Variants in INTS1 observed in about 807,000 individuals in gnomAD.
The protein encoded by INTS1 is integrator complex subunit 1.
In INTS1, 137 loss-of-function variants were observed where a neutral mutation model predicts 241.6. The observed-to-expected ratio is 0.57, with a 90% CI of 0.49 to 0.65. INTS1 has a LOEUF of 0.65. INTS1 is among the 30% of genes least tolerant of loss of function. INTS1 has a pLI of 0.00. For synonymous variants in INTS1, 1,692 were observed against 1,337.8 expected (o/e 1.26, Z -5.78); for missense variants, 3,073 against 3,032.2 (o/e 1.01, Z -0.32).
At chr7:1,482,825 G>A in intron 26 of INTS1, 118 bp from the exon 27 acceptor site, 3 of 1,243,414 alleles carry the variant, frequency 2.4e-6, no homozygotes, top group Non-Finnish European at 3.4e-6. Context: ...GACTTGGGAG[G>A]AGCACGGGGC....
intron 41 of INTS1, 121 bp from the exon 42 acceptor site, chr7:1,473,814 C>T: frequency 7.8e-7 from 1 of 1,275,556 alleles, no homozygotes; most frequent in South Asian, 1.4e-5. Flanking sequence ...GCCCCCTCTG[C>T]CAACCACTGG....
In INTS1 at chr7:1,497,657, C is replaced by G. The variant is rs1274612911; in HGVS notation, c.1426-343G>C. ...CCGTGCGCCACGGGCTGAACGGAAA[C>G]CAAAGGCCACCACCCAAGATCTGAA... On this transcript the variant is annotated intron_variant, in intron 10 of 47. Transcript: ENST00000404767. This position sits in a 1 kb window ranked among gnomAD's most constrained non-coding sequence, Gnocchi z 5.3. 6.6e-6 allele frequency among the ~76,000 whole-genome samples: 1 copy of G among 152,208 alleles called. No individual in the cohort carries two copies. The highest frequency in any genetic ancestry group is 2.4e-5 in the African/African-American group (1 of 41,462).
chr7:1,486,960 C>T lies in INTS1; in HGVS notation c.2788G>A (p.Glu930Lys), dbSNP rs754724189. The change falls in exon 21 of 48, where the codon GAG becomes AAG. Residue 930 changes from glutamate to lysine, a missense_variant. By Grantham distance (56) the Glu-to-Lys change is moderately conservative. Coordinates refer to ENST00000404767, the MANE Select transcript of INTS1 (RefSeq NM_001080453.3). ...DDAASGEEDD[E>K]GESKEQKAKK... ...GCCTTCTGCTCCTTGCTCTCGCCCT[C>T]GTCGTCCTCCTCCCCGGAAGCAGCA... 1.1e-5 allele frequency: 18 copies of T among 1,607,642 alleles called. No individual in the cohort carries two copies. The highest frequency in any genetic ancestry group is 1.1e-4 in the African/African-American group (8 of 74,910).
chr7:1,471,527 G>C (rs1276948075), intron 45 of INTS1, 44 bp downstream of exon 45: 1 of 1,595,028 alleles, frequency 6.3e-7, no homozygotes, highest in Non-Finnish European at 8.6e-7. Flanking sequence ...GGTTCCCCAA[G>C]GGAGTGGCTC....
intron 42 of INTS1, 42 bp from the exon 43 acceptor site, chr7:1,473,226 CAGG>C: frequency 1.4e-6 from 2 of 1,449,100 alleles, no homozygotes; most frequent in Non-Finnish European, 1.9e-6. Context: ...AAGACGCTGG[CAGG>C]AGGAAGGCTG....
intron 16 of INTS1, among the ~76,000 whole-genome samples, chr7:1,490,983 C>A (rs1467730861): frequency 6.6e-6 from 1 of 152,206 alleles, no homozygotes; most frequent in Non-Finnish European, 1.5e-5. Context: ...GCCAAGACGG[C>A]CCAAGGCGCA....
rs184055406 is a variant in INTS1 at position 1,474,226 on chromosome 7, C to T, written c.5771G>A (p.Arg1924His). ...LLELLQPHVF[R>H]SEHQGALWDC... ...CCACAGCGCCCCCTGGTGCTCGCTGCGGAACACGTGCGGCTGCAGCAGCTC... is the reference window on the plus strand; with the variant it reads ...CCACAGCGCCCCCTGGTGCTCGCTGTGGAACACGTGCGGCTGCAGCAGCTC... The change falls in exon 41 of 48, where the codon CGC (arginine) becomes CAC (histidine). Residue 1924 changes from arginine to histidine, a missense_variant. Physicochemically the swap from Arg to His is conservative, Grantham distance 29 (BLOSUM62 0). Transcript: ENST00000404767. The T allele has an allele frequency of 2.8e-5, 45 of 1,598,644 alleles. No homozygotes were observed. The highest frequency in any genetic ancestry group is 6.7e-5 in the African/African-American group (5 of 74,642).
rs1385681455 is a variant in INTS1, at chr7:1,476,342, G to A, written c.5265C>T (p.Cys1755=). The change falls in exon 38 of 48, where the codon TGC becomes TGT. Residue 1755 remains cysteine, a synonymous_variant. Transcript: ENST00000404767. ...TRSQDGDTAA[C]SLIQARLPLL... is the part of the protein sequence containing the mutation. ...GGGGCAGCCGGGCCTGGATGAGGCT[G>A]CAGGCGGCTGTGTCCCCGTCCTGGC... 7 of 1,580,078 alleles carry A rather than the reference G, an allele frequency of 4.4e-6. No individual in the cohort carries two copies. Among genetic ancestry groups the A allele is most frequent in the South Asian group, 3.5e-5 (3 of 86,452 alleles).
At position 1,487,340 on chromosome 7, in the gene INTS1, G is replaced by A; in HGVS notation, c.2626C>T (p.Leu876Phe). 6.2e-7 allele frequency: 1 copy of A among 1,603,702 alleles called. No individual in the cohort carries two copies. Among genetic ancestry groups the A allele is most frequent in the Non-Finnish European group, 8.5e-7 (1 of 1,175,512 alleles). Residue 876 changes from leucine (L) to phenylalanine (F), a missense_variant, in exon 20 of 48, where the codon CTC becomes TTC. Coordinates refer to ENST00000404767, the MANE Select transcript of INTS1 (RefSeq NM_001080453.3). Reference sequence around the variant, plus strand: ...CTCACCTGCCGCTGGATGATGTGGAGGAGAAAGTCAGGGTTTCGGCTGCGG... The same window carrying A: ...CTCACCTGCCGCTGGATGATGTGGAAGAGAAAGTCAGGGTTTCGGCTGCGG... Reference protein sequence around the residue: ...LCRSRNPDFLLHIIQRQASSQ... With the variant: ...LCRSRNPDFLFHIIQRQASSQ...
At chr7:1,485,586 T>G (rs1782219442) in intron 22 of INTS1, 117 bp from the exon 23 acceptor site, 1 of 1,085,282 alleles carries the variant, frequency 9.2e-7, no homozygotes, top group African/African-American at 1.6e-5. Flanking sequence ...TGGCGCTTGC[T>G]TCCCACGGGA....
chr7:1,474,254 G>A lies in INTS1; in HGVS notation c.5743C>T (p.Leu1915=), dbSNP rs1256488481. 6.2e-7 allele frequency: 1 copy of A among 1,606,378 alleles called. No homozygotes were observed. Among genetic ancestry groups the A allele is most frequent in the Non-Finnish European group, 8.5e-7 (1 of 1,178,066 alleles). Reference sequence around the variant, plus strand: ...AACACGTGCGGCTGCAGCAGCTCCAGCAGGCCCAGCACGTGCAGGAAGCAG... The same window carrying A: ...AACACGTGCGGCTGCAGCAGCTCCAACAGGCCCAGCACGTGCAGGAAGCAG... ...LSCFLHVLGL[L]ELLQPHVFRS... Residue 1915 remains leucine (L), a synonymous_variant, in exon 41 of 48, where the codon CTG becomes TTG. Coordinates refer to ENST00000404767, the MANE Select transcript of INTS1 (RefSeq NM_001080453.3).
chr7:1,498,231 C>T (rs1208946861), intron 10 of INTS1, 181 bp downstream of exon 10: 5 of 873,486 alleles, frequency 5.7e-6, no homozygotes, highest in Non-Finnish European at 8.6e-6. Context: ...TGTGGCTGCA[C>T]CCACTCTAGA....
At chr7:1,487,609 G>T in intron 19 of INTS1, 151 bp downstream of exon 19, 1 of 1,283,832 alleles carries the variant, frequency 7.8e-7, no homozygotes, top group Non-Finnish European at 1.1e-6. Flanking sequence ...ACAGCAGTAA[G>T]CCAGGGACGC....
In INTS1 at chr7:1,489,394, C is replaced by T. The variant is rs374370631; in HGVS notation, c.2268G>A (p.Ala756=). 11 of 1,607,984 alleles carry T rather than the reference C, an allele frequency of 6.8e-6. No homozygotes were observed. The highest frequency in any genetic ancestry group is 6.7e-5 in the African/African-American group (5 of 74,860). The part of the protein sequence containing the change: ...AFNPENIGLA[A]WEEYPTLKML... ...TCTTCAGGGTCGGGTACTCCTCCCA[C>T]GCAGCCAGGCCTAGGGAACCGGAGG... Residue 756 remains alanine, a synonymous_variant, in exon 18 of 48, where the codon GCG becomes GCA. Transcript: ENST00000404767.
At position 1,480,905 on chromosome 7, in the gene INTS1, C is replaced by A; in HGVS notation, c.3879G>T (p.Gln1293His). ...GGCCTCCGGAGGCGCCGCGCTCATG[C>A]TGGACCTCCACCAGGTGGGCCATGT... is the stretch of plus-strand genomic sequence containing the variant. ...KNYMAHLVEV[Q>H]HERGASGGQT... The change falls in exon 29 of 48, where the codon CAG becomes CAT. Residue 1293 changes from glutamine (Q) to histidine (H), a missense_variant. Gln to His is a conservative substitution (Grantham distance 24, BLOSUM62 0). Coordinates refer to ENST00000404767, the MANE Select transcript of INTS1 (RefSeq NM_001080453.3). 1 of 1,568,520 alleles carries A rather than the reference C, an allele frequency of 6.4e-7. No individual in the cohort carries two copies. The highest frequency in any genetic ancestry group is 1.9e-5 in the Admixed American group (1 of 53,132).
Position 1,487,428 on chromosome 7 carries a change from G to T in INTS1, c.2538C>A (p.Pro846=). The change falls in exon 20 of 48, where the codon CCC becomes CCA. Residue 846 remains proline, a synonymous_variant. Transcript: ENST00000404767. Reference sequence around the variant, plus strand: ...TTTTCACTTGATCCAGGATGTGAGGGGGAGGCCTCCGGGGGGGCCCCCTGA... The same window carrying T: ...TTTTCACTTGATCCAGGATGTGAGGTGGAGGCCTCCGGGGGGGCCCCCTGA... ...LDPQGPPRRP[P]PHILDQVKSL... is the part of the protein sequence containing the mutation. 1 of 1,611,948 alleles carries T rather than the reference G, an allele frequency of 6.2e-7. No individual in the cohort carries two copies. Among genetic ancestry groups the T allele is most frequent in the South Asian group, 1.1e-5 (1 of 90,888 alleles).
Position 1,497,328 on chromosome 7 carries a change from A to C in INTS1, c.1426-14T>G. 1 of 1,607,894 alleles carries C rather than the reference A, an allele frequency of 6.2e-7. No homozygotes were observed. The highest frequency in any genetic ancestry group is 8.5e-7 in the Non-Finnish European group (1 of 1,176,898). ...CATGGCCAGGAACTGGGGCAGAGAG[A>C]GGCCGCGTGGGAGGCTGCCCGACAG... On this transcript the variant is annotated splice_polypyrimidine_tract_variant and intron_variant, in intron 10 of 47. Transcript: ENST00000404767. The surrounding 1 kb of genome is among the most constrained non-coding windows in gnomAD (Gnocchi z 5.3).
chr7:1,480,736 G>C, intron 29 of INTS1, 99 bp downstream of exon 29: 2 of 972,030 alleles, frequency 2.1e-6, no homozygotes. Context: ...GCCCTGTGTG[G>C]CTGTGCAGGC....
rs1783108365 is a variant in INTS1 at position 1,500,358 on chromosome 7, T to C, written c.358A>G (p.Thr120Ala). 2 of 1,571,820 alleles carry C rather than the reference T, an allele frequency of 1.3e-6. No individual in the cohort carries two copies. The highest frequency in any genetic ancestry group is 1.7e-6 in the Non-Finnish European group (2 of 1,156,902). Reference protein sequence around the residue: ...PSVVPIEVLPTVLLDEIEAAE... With the variant: ...PSVVPIEVLPAVLLDEIEAAE... ...GCCTCGATCTCATCCAGCAGCACCG[T>C]GGGCAGCACTGGCCGGGGCAGGCGG... The change falls in exon 4 of 48, where the codon ACG becomes GCG. Residue 120 changes from threonine (T) to alanine (A), a missense_variant. Physicochemically the swap from Thr to Ala is moderately conservative, Grantham distance 58 (BLOSUM62 0). Coordinates refer to ENST00000404767, the MANE Select transcript of INTS1 (RefSeq NM_001080453.3).
Sources: allele counts gnomAD v4.1 joint callset (sites outside exome capture counted in the v4.1 genomes callset), GRCh38; gene constraint gnomAD v4.1.1; non-coding constraint Gnocchi (gnomAD v3.1); transcripts MANE v1.5; gene names NCBI Gene and HGNC (gene_info 2026-07-23, HGNC 2026-07-21).